The following HCN2 variants were observed in gnomAD, a reference collection of about 807,000 sequenced individuals.
HCN2 encodes hyperpolarization activated cyclic nucleotide gated potassium and sodium channel 2, also known as potassium/sodium hyperpolarization-activated cyclic nucleotide-gated channel 2.
In HCN2, 20 loss-of-function variants were observed where a neutral mutation model predicts 52.3. The observed-to-expected ratio is 0.38, with a 90% CI of 0.27 to 0.56. HCN2 has a LOEUF of 0.56. HCN2 is among the 20% of genes least tolerant of loss of function. The pLI, the probability that HCN2 is intolerant of heterozygous loss-of-function variation, is 0.71. For synonymous variants in HCN2, 694 were observed against 537.0 expected, an observed-to-expected ratio of 1.29 and a Z score of -4.04; for missense variants, 981 against 1,207.7, an observed-to-expected ratio of 0.81 and a Z score of 2.78.
intron 7 of HCN2, 57 bp downstream of exon 7, chr19:614,073 C>CGGGGCGGGTGCCCTGGCGGG: frequency 7.6e-7 from 1 of 1,314,732 alleles, no homozygotes. Context: ...GGGGCGTGGC[C>CGGGGCGGGTGCCCTGGCGGG]AAGGCATCAG....
At chr19:609,315 C>A (rs1288526074) in intron 4 of HCN2, among the ~76,000 whole-genome samples, 1 of 152,194 alleles carries the variant, frequency 6.6e-6, no homozygotes, top group Admixed American at 6.5e-5. Context: ...CGCTCCCTTC[C>A]CTGCTCAGGA....
chr19:613,643 AT>A (rs1983756365), intron 6 of HCN2, among the ~76,000 whole-genome samples, 155 bp downstream of exon 6: 3 of 10,226 alleles, frequency 2.9e-4, no homozygotes, highest in South Asian at 3.8e-3. Flanking sequence ...GGGGCCGGGG[AT>A]GGGGATGGGG....
At chr19:598,989 C>T (rs549933383) in intron 1 of HCN2, among the ~76,000 whole-genome samples, 13 of 152,242 alleles carry the variant, frequency 8.5e-5, no homozygotes, top group Admixed American at 3.9e-4. Context: ...CTCCCCATCC[C>T]GAGGCGGTGG....
At position 613,860 on chromosome 19, in the gene HCN2, C is replaced by T. The variant is rs779561471; in HGVS notation, c.1834C>T (p.Leu612=). 40 of 1,585,582 alleles carry T rather than the reference C, an allele frequency of 2.5e-5. No individual in the cohort carries two copies. Among genetic ancestry groups the T allele is most frequent in the African/African-American group, 5.6e-5 (4 of 71,912 alleles). ...SDGSYFGEIC[L]LTRGRRTASV... is the part of the protein sequence containing the mutation. ...CTGCGCGCCACGTGCAGAGATCTGC[C>T]TGCTCACCCGGGGCCGCCGCACGGC... Residue 612 remains leucine, a synonymous_variant, in exon 7 of 8, where the codon CTG becomes TTG. Coordinates refer to ENST00000251287, the MANE Select transcript of HCN2 (RefSeq NM_001194.4).
chr19:605,845 G>A (rs557546645), intron 3 of HCN2, among the ~76,000 whole-genome samples: 5 of 152,200 alleles, frequency 3.3e-5, no homozygotes, highest in African/African-American at 4.8e-5. Flanking sequence ...AGGCCCTTCA[G>A]GGGTGGGGAC....
In HCN2 at chr19:591,588, G is replaced by T. The variant is rs562178835; in HGVS notation, c.632+1011G>T. Reference sequence around the variant, plus strand: ...TTGTGTATCCACGAGTGGGGTGTGAGGTGGGGTGTGGAGGGTGCAGGTGGA... The same window carrying T: ...TTGTGTATCCACGAGTGGGGTGTGATGTGGGGTGTGGAGGGTGCAGGTGGA... On this transcript the variant is annotated intron_variant, in intron 1 of 7. Coordinates refer to ENST00000251287, the MANE Select transcript of HCN2 (RefSeq NM_001194.4). The surrounding 1 kb of genome is among the most constrained non-coding windows in gnomAD (Gnocchi z 4.1). Among the ~76,000 whole-genome samples the T allele has an allele frequency of 1.3e-5, 2 of 152,108 alleles. No homozygotes were observed. The highest frequency in any genetic ancestry group is 2.9e-5 in the Non-Finnish European group (2 of 67,980).
rs1239095162 is a variant in HCN2 at position 616,520 on chromosome 19, C to T, written c.*46C>T. 8.0e-6 allele frequency: 9 copies of T among 1,131,328 alleles called. No homozygotes were observed. Among genetic ancestry groups the T allele is most frequent in the African/African-American group, 1.7e-5 (1 of 59,558 alleles). 70.1% of individuals were successfully genotyped at this position (1,131,328 alleles called of 1,614,324 possible). On this transcript the variant is annotated 3_prime_UTR_variant, in exon 8 of 8. Coordinates refer to ENST00000251287, the MANE Select transcript of HCN2 (RefSeq NM_001194.4). Reference sequence around the variant, plus strand: ...GGCCCAGGCGGGCCGGGGGCGGGGCCGTCATCCAGACCAAAGCCATGCCAT... The same window carrying T: ...GGCCCAGGCGGGCCGGGGGCGGGGCTGTCATCCAGACCAAAGCCATGCCAT...
Position 616,573 on chromosome 19 carries a change from A to G in HCN2, c.*99A>G, listed in dbSNP as rs1433779403. ...CGCTGCCCCGGCCGCCAGTCCGCCC[A>G]GAAGCCATAGACGAGACGTAGGTAG... is the stretch of plus-strand genomic sequence containing the variant. On this transcript the variant is annotated 3_prime_UTR_variant, in exon 8 of 8. Coordinates refer to ENST00000251287, the MANE Select transcript of HCN2 (RefSeq NM_001194.4). 4.3e-5 allele frequency: 31 copies of G among 716,746 alleles called. No homozygotes were observed. The highest frequency in any genetic ancestry group is 5.6e-5 in the Non-Finnish European group (31 of 550,766). 44.4% of individuals were successfully genotyped at this position (716,746 alleles called of 1,614,324 possible).
intron 3 of HCN2, among the ~76,000 whole-genome samples, chr19:606,220 C>T (rs900080217): frequency 6.6e-5 from 10 of 152,148 alleles, no homozygotes; most frequent in South Asian, 2.1e-4. Flanking sequence ...CTCGCCTCAG[C>T]CTCCCGAGTA....
At position 616,350 on chromosome 19, in the gene HCN2, G is replaced by T. The variant is rs959310355; in HGVS notation, c.2546G>T (p.Gly849Val). Residue 849 changes from glycine (G) to valine (V), a missense_variant, in exon 8 of 8, where the codon GGG (glycine) becomes GTG (valine). Coordinates refer to ENST00000251287, the MANE Select transcript of HCN2 (RefSeq NM_001194.4). Reference protein sequence around the residue: ...RPASSSTPRLGPTPAARAAAP... With the variant: ...RPASSSTPRLVPTPAARAAAP... ...GCCAGCAGCTCCACACCGCGCTTGGGGCCCACGCCCGCTGCCCGGGCCGCC... is the reference window on the plus strand; with the variant it reads ...GCCAGCAGCTCCACACCGCGCTTGGTGCCCACGCCCGCTGCCCGGGCCGCC... 9 of 1,210,004 alleles carry T rather than the reference G, an allele frequency of 7.4e-6. No homozygotes were observed. Among genetic ancestry groups the T allele is most frequent in the African/African-American group, 1.6e-5 (1 of 61,344 alleles). 75.0% of individuals were successfully genotyped at this position (1,210,004 alleles called of 1,614,324 possible).
In HCN2 at chr19:592,628, G is replaced by C. The variant is rs1982907550; in HGVS notation, c.632+2051G>C. ...AGCGGGGCCTGTCTTCGGGACTAGG[G>C]GAGTCACGGCAGTCAGATTTTAAAA... On this transcript the variant is annotated intron_variant, in intron 1 of 7. Transcript: ENST00000251287. This position sits in a 1 kb window ranked among gnomAD's most constrained non-coding sequence, Gnocchi z 4.8. Among the ~76,000 whole-genome samples, 1 of 152,134 alleles carries C rather than the reference G, an allele frequency of 6.6e-6. No individual in the cohort carries two copies. Among genetic ancestry groups the C allele is most frequent in the East Asian group, 1.9e-4 (1 of 5,194 alleles).
In HCN2 at chr19:590,764, TGG is replaced by T. The variant is rs1332758888; in HGVS notation, c.632+193_632+194del. 2.9e-6 allele frequency: 1 copy of T among 339,712 alleles called. No homozygotes were observed. The highest frequency in any genetic ancestry group is 5.1e-6 in the Non-Finnish European group (1 of 194,768). 21.0% of individuals were successfully genotyped at this position (339,712 alleles called of 1,614,324 possible). A position where few individuals can be genotyped will look rare whatever the true frequency, so the allele number is the denominator to read the frequency against. On this transcript the variant is annotated intron_variant, in intron 1 of 7. Transcript: ENST00000251287. This position sits in a 1 kb window ranked among gnomAD's most constrained non-coding sequence, Gnocchi z 7.2. ...ACCCCGGCGCGCGAGGCTCCGCCTC[TGG>T]GGGGGCTCCCCGGGTGACCGCGGAG...
chr19:613,621 GGGGATGGGGATGGGGCCGGGGATGGGGAT>G, intron 6 of HCN2, 133 bp downstream of exon 6: 1 of 171,836 alleles, frequency 5.8e-6, no homozygotes, highest in East Asian at 1.0e-4. Flanking sequence ...GGATGGGGAT[GGGGATGGGGATGGGGCCGGGGATGGGGAT>G]GGGGATGGGG....
chr19:593,988 C>T (rs975107777), intron 1 of HCN2, among the ~76,000 whole-genome samples: 1 of 152,206 alleles, frequency 6.6e-6, no homozygotes, highest in South Asian at 2.1e-4. Context: ...CCAGCCGCCG[C>T]TGATTCTAAA....
Position 595,828 on chromosome 19 carries a change from G to A in HCN2, c.632+5251G>A, listed in dbSNP as rs73503914. Among the ~76,000 whole-genome samples, 481 of 152,308 alleles carry A rather than the reference G, an allele frequency of 3.2e-3. 1 individual carries two copies. The highest frequency in any genetic ancestry group is 0.011 in the African/African-American group (459 of 41,584). On this transcript the variant is annotated intron_variant, in intron 1 of 7. Coordinates refer to ENST00000251287, the MANE Select transcript of HCN2 (RefSeq NM_001194.4). ...TGAGAGTGCCGTCTCCTAATCCCCC[G>A]GCCCGAGGCTCTCCCTTAATCACCG...
intron 2 of HCN2, among the ~76,000 whole-genome samples, chr19:604,337 G>C (rs1480266973): frequency 6.6e-6 from 1 of 150,544 alleles, no homozygotes; most frequent in East Asian, 2.0e-4. Flanking sequence ...CCCAGGGGTG[G>C]GGCTATGAGG....
chr19:612,732 TC>T (rs1372061006), intron 5 of HCN2, among the ~76,000 whole-genome samples: 5 of 121,306 alleles, frequency 4.1e-5, no homozygotes, highest in African/African-American at 1.0e-4. Context: ...TCCCCCATTT[TC>T]TTTTTTTTTT....
At chr19:609,265 C>T (rs1337203883) in intron 4 of HCN2, among the ~76,000 whole-genome samples, 4 of 152,186 alleles carry the variant, frequency 2.6e-5, no homozygotes, top group Admixed American at 2.0e-4. Flanking sequence ...GGGGCACCGT[C>T]CTGGGGACAG....
rs748761645 is a variant in HCN2 at position 616,282 on chromosome 19, G to A, written c.2478G>A (p.Ser826=). ...GCCCACTGTCCGCCTCGCAGCCCTC[G>A]CTGCCTCACGGCGCCCCCGGCCCCG... ...ASRPLSASQP[S]LPHGAPGPAA... is the part of the protein sequence containing the mutation. Residue 826 remains serine, a synonymous_variant, in exon 8 of 8, where the codon TCG becomes TCA. Coordinates refer to ENST00000251287, the MANE Select transcript of HCN2 (RefSeq NM_001194.4). 3.8e-6 allele frequency: 4 copies of A among 1,063,736 alleles called. No individual in the cohort carries two copies. The highest frequency in any genetic ancestry group is 3.5e-5 in the South Asian group (1 of 28,954). The allele number at this position is 1,063,736 out of a possible 1,614,324, so 65.9% of individuals were successfully genotyped here.
Sources: allele counts gnomAD v4.1 joint callset (sites outside exome capture counted in the v4.1 genomes callset), GRCh38; gene constraint gnomAD v4.1.1; non-coding constraint Gnocchi (gnomAD v3.1); transcripts MANE v1.5; gene names NCBI Gene and HGNC (gene_info 2026-07-23, HGNC 2026-07-21).